The following PRKG1 variants were observed in gnomAD, a reference collection of about 807,000 sequenced individuals.
The protein encoded by PRKG1 is cGMP-dependent protein kinase 1.
Under a neutral mutation model 88.1 loss-of-function variants are expected in PRKG1, and 35 were observed. The observed-to-expected ratio is 0.40, with a 90% CI of 0.30 to 0.53. The LOEUF (loss-of-function observed/expected upper bound fraction) is 0.53. Ranked by LOEUF, PRKG1 falls within the 20% of genes least tolerant of loss-of-function variation. The pLI, the probability that PRKG1 is intolerant of heterozygous loss-of-function variation, is 0.59. For synonymous variants in PRKG1, 303 were observed against 292.5 expected (o/e 1.04, Z -0.37); for missense variants, 540 against 839.8 (o/e 0.64, Z 4.41).
At chr10:52,138,461 TG>T (rs1164653373) in intron 8 of PRKG1, among the ~76,000 whole-genome samples, 2 of 152,140 alleles carry the variant, frequency 1.3e-5, no homozygotes, top group Non-Finnish European at 2.9e-5. Context: ...CTGTTTGTCA[TG>T]GGAGTAAGAC....
At chr10:51,832,870 C>T (rs563822193) in intron 4 of PRKG1, among the ~76,000 whole-genome samples, 5 of 152,204 alleles carry the variant, frequency 3.3e-5, no homozygotes, top group South Asian at 4.1e-4. Context: ...CTCTCTGGTA[C>T]GGCCCTCAGA....
rs539464002 is a variant in PRKG1, at chr10:51,083,249, C to T, written c.311+8348C>T. 1.2e-4 allele frequency among the ~76,000 whole-genome samples: 18 copies of T among 152,264 alleles called. No homozygotes were observed. The East Asian group carries it at 3.1e-3, about 26-fold the overall frequency. ...CTGTTCAGTGGGTAAGTTTGTTTCC[C>T]CTTTCCTGCCAGCCAGGGTTCCTGG... On this transcript the variant is annotated intron_variant, in intron 1 of 17. Coordinates refer to ENST00000373980, the MANE Select transcript of PRKG1 (RefSeq NM_006258.4).
intron 1 of PRKG1, among the ~76,000 whole-genome samples, chr10:51,016,975 C>T (rs1301707394): frequency 6.6e-6 from 1 of 151,476 alleles, no homozygotes; most frequent in Non-Finnish European, 1.5e-5. Context: ...CCTATTATCC[C>T]CATTTTTAAG....
At chr10:51,679,723 T>TG (rs1840798112) in intron 3 of PRKG1, among the ~76,000 whole-genome samples, 1 of 113,006 alleles carries the variant, frequency 8.8e-6, no homozygotes, top group Non-Finnish European at 2.0e-5. Flanking sequence ...TTTTTTTTAA[T>TG]GTTTTTTTTT....
intron 4 of PRKG1, among the ~76,000 whole-genome samples, chr10:51,816,060 A>T (rs1447439096): frequency 6.6e-6 from 1 of 152,214 alleles, no homozygotes; most frequent in African/African-American, 2.4e-5. Context: ...CTTAATTTTG[A>T]CAGCTCCTTT....
chr10:51,230,685 A>C (rs1247272713), intron 2 of PRKG1, among the ~76,000 whole-genome samples: 1 of 152,162 alleles, frequency 6.6e-6, no homozygotes, highest in East Asian at 1.9e-4. Flanking sequence ...TGCACATCCT[A>C]CCATATACTT....
chr10:52,102,633 G>A (rs1457219043), intron 7 of PRKG1, among the ~76,000 whole-genome samples: 1,692 of 120,690 alleles, frequency 0.014, 1 homozygote, highest in Non-Finnish European at 0.022. Flanking sequence ...GGGGTTTCAA[G>A]ATAGGGATCT....
chr10:52,203,072 GC>G (rs1839719443), intron 9 of PRKG1, among the ~76,000 whole-genome samples: 1 of 151,946 alleles, frequency 6.6e-6, no homozygotes, highest in South Asian at 2.1e-4. Context: ...GGGTTGCTTT[GC>G]TCTTGTTTAT....
chr10:52,107,085 G>A (rs1053542611), intron 7 of PRKG1, among the ~76,000 whole-genome samples: 2 of 152,166 alleles, frequency 1.3e-5, no homozygotes, highest in African/African-American at 4.8e-5. Flanking sequence ...GGAGAGACTG[G>A]CTATGAGTGA....
intron 9 of PRKG1, among the ~76,000 whole-genome samples, chr10:52,232,252 G>A (rs886196093): frequency 3.3e-5 from 5 of 151,918 alleles, no homozygotes; most frequent in Non-Finnish European, 2.9e-5. Context: ...GCAGTGAGCC[G>A]AGATCACGCC....
At chr10:51,836,757 A>G (rs376981754) in intron 4 of PRKG1, among the ~76,000 whole-genome samples, 1 of 152,220 alleles carries the variant, frequency 6.6e-6, no homozygotes, top group Non-Finnish European at 1.5e-5. Flanking sequence ...ATGTGAATAG[A>G]TATTTATCAA....
intron 2 of PRKG1, among the ~76,000 whole-genome samples, chr10:51,410,103 G>T (rs1330533839): frequency 6.6e-6 from 1 of 151,714 alleles, no homozygotes; most frequent in African/African-American, 2.4e-5. Flanking sequence ...ACTCCTAGTG[G>T]GTACTCCTAG....
chr10:50,996,241 A>G (rs1842836095), intron 1 of PRKG1, among the ~76,000 whole-genome samples: 1 of 152,190 alleles, frequency 6.6e-6, no homozygotes, highest in Non-Finnish European at 1.5e-5. Context: ...TCAGGCGAGG[A>G]ATCTGAGGCT....
At chr10:51,882,552 C>T (rs1841463937) in intron 4 of PRKG1, among the ~76,000 whole-genome samples, 1 of 152,092 alleles carries the variant, frequency 6.6e-6, no homozygotes, top group Admixed American at 6.5e-5. Flanking sequence ...TACAAACATC[C>T]TGATAGTTTG....
chr10:51,857,950 T>C (rs1840724558), intron 4 of PRKG1, among the ~76,000 whole-genome samples: 1 of 149,484 alleles, frequency 6.7e-6, no homozygotes, highest in Non-Finnish European at 1.5e-5. Context: ...GTATGGATGC[T>C]ATTACCTAGA....
intron 2 of PRKG1, among the ~76,000 whole-genome samples, chr10:51,376,306 G>C (rs1842815452): frequency 6.6e-6 from 1 of 152,078 alleles, no homozygotes; most frequent in Admixed American, 6.5e-5. Flanking sequence ...TTTATACATA[G>C]TTCCAATCAC....
intron 7 of PRKG1, among the ~76,000 whole-genome samples, chr10:52,071,782 G>T (rs956570554): frequency 6.6e-6 from 1 of 152,086 alleles, no homozygotes. Flanking sequence ...GCATCTCTAT[G>T]TACCTATTTT....
At chr10:51,247,114 C>T (rs568670614) in intron 2 of PRKG1, among the ~76,000 whole-genome samples, 30 of 151,990 alleles carry the variant, frequency 2.0e-4, no homozygotes, top group South Asian at 2.1e-4. Context: ...ATGGTTCTCA[C>T]GTGGCTGGTA....
chr10:51,986,036 G>A (rs555464283), intron 5 of PRKG1, among the ~76,000 whole-genome samples: 107 of 152,194 alleles, frequency 7.0e-4, no homozygotes, highest in African/African-American at 2.3e-3. Context: ...GTCATTTACC[G>A]GTGACAGCAT....
Sources: gnomAD v4.1 joint callset for allele counts (sites outside exome capture counted in the v4.1 genomes callset) on GRCh38, gnomAD v4.1.1 for gene constraint, MANE v1.5 for transcripts, NCBI Gene and HGNC (gene_info 2026-07-23, HGNC 2026-07-21) for gene names.